The following KALRN variants were observed in gnomAD, a reference collection of about 807,000 sequenced individuals.
KALRN encodes the protein kalirin RhoGEF kinase.
KALRN carries 70 observed loss-of-function variants against 353.7 expected under a neutral mutation model. That is an observed-to-expected ratio of 0.20 (90% confidence interval 0.16 to 0.24). KALRN has a LOEUF of 0.24. Ranked by LOEUF, KALRN falls within the 10% of genes least tolerant of loss-of-function variation. KALRN has a pLI of 1.00. For missense variants in KALRN, 2,791 were observed against 3,756.7 expected (o/e 0.74, Z 6.72); for synonymous variants, 1,391 against 1,434.8 (o/e 0.97, Z 0.69).
intron 5 of KALRN, among the ~76,000 whole-genome samples, chr3:124,278,445 G>C (rs952640248): frequency 7.1e-5 from 10 of 139,992 alleles, no homozygotes; most frequent in African/African-American, 2.7e-4. Flanking sequence ...TTTGAAGAAT[G>C]AAGGACACTT....
intron 45 of KALRN, among the ~76,000 whole-genome samples, chr3:124,665,322 C>T (rs2085475256): frequency 6.6e-6 from 1 of 152,190 alleles, no homozygotes; most frequent in Non-Finnish European, 1.5e-5. Flanking sequence ...GCCATATTCC[C>T]TTTGAAGCTG....
At chr3:124,213,166 A>T (rs12491678) in intron 1 of KALRN, among the ~76,000 whole-genome samples, 80,278 of 151,702 alleles carry the variant, frequency 0.53, 23,187 homozygotes, top group Non-Finnish European at 0.65. Context: ...TAAGGTTTTT[A>T]AAAAAATGTC....
At chr3:124,175,584 G>A (rs1250092156) in intron 1 of KALRN, among the ~76,000 whole-genome samples, 1 of 151,974 alleles carries the variant, frequency 6.6e-6, no homozygotes, top group Non-Finnish European at 1.5e-5. Flanking sequence ...TGCTCTCCAG[G>A]ATGTGGAGGT....
At position 124,361,534 on chromosome 3, in the gene KALRN, C is replaced by A. The variant is rs114090782; in HGVS notation, c.1770+14269C>A. On this transcript the variant is annotated intron_variant, in intron 10 of 59. Transcript: ENST00000682506. ...ATTTTTAATATTAAAACTTTATATTCTTTTCCAGATTCTAGTAACTTACAG... is the reference window on the plus strand; with the variant it reads ...ATTTTTAATATTAAAACTTTATATTATTTTCCAGATTCTAGTAACTTACAG... Among the ~76,000 whole-genome samples, 1,337 of 152,230 alleles carry A rather than the reference C, an allele frequency of 8.8e-3. 17 individuals are homozygous for A. Among genetic ancestry groups the A allele is most frequent in the African/African-American group, 0.031 (1,277 of 41,514 alleles).
intron 37 of KALRN, among the ~76,000 whole-genome samples, chr3:124,644,154 A>G (rs7618562): frequency 0.26 from 39,759 of 151,942 alleles, 5,353 homozygotes; most frequent in East Asian, 0.44. Flanking sequence ...TTTGCTGGTA[A>G]CTACTGTTTT....
intron 6 of KALRN, among the ~76,000 whole-genome samples, chr3:124,311,064 C>CTTTTTTTTTTTTT (rs71145446): frequency 0.017 from 1,160 of 67,508 alleles, 238 homozygotes; most frequent in Non-Finnish European, 0.025. Flanking sequence ...GATACTACTT[C>CTTTTTTTTTTTTT]TTTTTTTTTT....
At chr3:124,134,769 G>GA (rs1275276828) in intron 1 of KALRN, among the ~76,000 whole-genome samples, 1 of 152,118 alleles carries the variant, frequency 6.6e-6, no homozygotes, top group Non-Finnish European at 1.5e-5. Flanking sequence ...ACAAACATAT[G>GA]AAAAAATGCT....
intron 34 of KALRN, among the ~76,000 whole-genome samples, chr3:124,621,636 C>T (rs1334236079): frequency 1.3e-5 from 2 of 152,232 alleles, no homozygotes; most frequent in African/African-American, 4.8e-5. Context: ...CCCCCACTTC[C>T]CGGCCCCATT....
intron 55 of KALRN, among the ~76,000 whole-genome samples, chr3:124,698,113 C>T (rs554584380): frequency 3.9e-5 from 6 of 152,176 alleles, no homozygotes; most frequent in African/African-American, 9.6e-5. Context: ...GGGACTAAAG[C>T]GCACACCACC....
Position 124,720,543 on chromosome 3 carries a change from G to T in KALRN, c.*1073G>T, listed in dbSNP as rs1057502626. 1 of 152,604 alleles carries T rather than the reference G, an allele frequency of 6.6e-6. No individual in the cohort carries two copies. The highest frequency in any genetic ancestry group is 2.4e-5 in the African/African-American group (1 of 41,436). 9.5% of individuals were successfully genotyped at this position (152,604 alleles called of 1,614,324 possible). A position where few individuals can be genotyped will look rare whatever the true frequency, so the allele number is the denominator to read the frequency against. ...GAAGCTAAGGGGTGCTTACTAAAAG[G>T]AGGCAGCCATATAGGCCTTTTAAAG... is the stretch of plus-strand genomic sequence containing the variant. On this transcript the variant is annotated 3_prime_UTR_variant, in exon 60 of 60. Coordinates refer to ENST00000682506, the MANE Select transcript of KALRN (RefSeq NM_001388419.1).
chr3:124,663,780 T>G (rs1291689492), intron 45 of KALRN, among the ~76,000 whole-genome samples: 3 of 152,238 alleles, frequency 2.0e-5, no homozygotes, highest in South Asian at 4.1e-4. Context: ...TAGAATGAAA[T>G]AGATACAAGA....
chr3:124,434,639 T>A, intron 17 of KALRN, 114 bp downstream of exon 17: 2 of 867,070 alleles, frequency 2.3e-6, no homozygotes, highest in Non-Finnish European at 3.6e-6. Flanking sequence ...CTTTCAGTAC[T>A]AACATTTGAA....
At chr3:124,291,743 G>T (rs1273377411) in intron 5 of KALRN, among the ~76,000 whole-genome samples, 1 of 152,198 alleles carries the variant, frequency 6.6e-6, no homozygotes, top group Non-Finnish European at 1.5e-5. Context: ...TACAGTGAAA[G>T]TGTCTCCCAG....
At chr3:124,299,261 G>A (rs1483778797) in intron 6 of KALRN, among the ~76,000 whole-genome samples, 1 of 152,176 alleles carries the variant, frequency 6.6e-6, no homozygotes, top group East Asian at 1.9e-4. Context: ...GATCGGGGAT[G>A]GTGAGGGGCC....
In KALRN at chr3:124,359,480, A is replaced by G. The variant is rs535942835; in HGVS notation, c.1770+12215A>G. ...ACCCCCCTAGTAGTCCCCTATCTCC[A>G]TATGAGATGTCCCCTTTAGTTCTGA... is the stretch of plus-strand genomic sequence containing the variant. On this transcript the variant is annotated intron_variant, in intron 10 of 59. Coordinates refer to ENST00000682506, the MANE Select transcript of KALRN (RefSeq NM_001388419.1). Among the ~76,000 whole-genome samples the G allele has an allele frequency of 5.0e-4, 76 of 152,338 alleles. No individual in the cohort carries two copies. The South Asian group carries it at 5.8e-3, about 12-fold the overall frequency.
chr3:124,365,594 T>G (rs2084583431), intron 10 of KALRN, among the ~76,000 whole-genome samples: 1 of 152,206 alleles, frequency 6.6e-6, no homozygotes, highest in Non-Finnish European at 1.5e-5. Flanking sequence ...CCAATGAGAC[T>G]AGACAAGAGA....
intron 1 of KALRN, chr3:124,133,125 G>A (rs7627646): frequency 0.56 from 84,636 of 151,940 alleles, 25,641 homozygotes; most frequent in Non-Finnish European, 0.68. Context: ...CTGATGGTGC[G>A]GGGTTACTTT....
At chr3:124,658,047 G>A (rs926158842) in intron 41 of KALRN, among the ~76,000 whole-genome samples, 10 of 151,986 alleles carry the variant, frequency 6.6e-5, no homozygotes, top group South Asian at 2.1e-4. Context: ...CTAGCCACTT[G>A]GGGGGGCGGA....
intron 34 of KALRN, among the ~76,000 whole-genome samples, chr3:124,606,813 G>A (rs1320982355): frequency 1.3e-5 from 2 of 152,036 alleles, no homozygotes; most frequent in Non-Finnish European, 2.9e-5. Flanking sequence ...TTTTAAAAAA[G>A]GGCAAAAGCG....
Sources: allele counts gnomAD v4.1 joint callset (sites outside exome capture counted in the v4.1 genomes callset), GRCh38; gene constraint gnomAD v4.1.1; transcripts MANE v1.5; gene names NCBI Gene and HGNC (gene_info 2026-07-23, HGNC 2026-07-21).